APP: variants seen among roughly 807,000 people sequenced by gnomAD.
APP encodes the protein amyloid-beta precursor protein.
Under a neutral mutation model 101.4 loss-of-function variants are expected in APP, and 31 were observed. The observed-to-expected ratio is 0.31, with a 90% CI of 0.23 to 0.41. The LOEUF (loss-of-function observed/expected upper bound fraction) is 0.41, where lower values mean the gene tolerates loss of function less well. Among genes scored for constraint, APP ranks in the 10% least tolerant of loss-of-function variants. APP has a pLI of 1.00. For synonymous variants in APP, 366 were observed against 364.4 expected, an observed-to-expected ratio of 1.00 and a Z score of -0.05; for missense variants, 839 against 1,003.7, an observed-to-expected ratio of 0.84 and a Z score of 2.22.
intron 3 of APP, among the ~76,000 whole-genome samples, chr21:26,056,305 C>T (rs2046038874): frequency 1.3e-5 from 2 of 152,098 alleles, no homozygotes; most frequent in Non-Finnish European, 2.9e-5. Context: ...CCCAAAGTGC[C>T]GGGATTACAG....
At chr21:25,976,353 T>C (rs1275177572) in intron 9 of APP, among the ~76,000 whole-genome samples, 1 of 152,126 alleles carries the variant, frequency 6.6e-6, no homozygotes, top group Non-Finnish European at 1.5e-5. Flanking sequence ...AAGGCACACA[T>C]TAACTGAACA....
chr21:26,087,169 G>A (rs973018631), intron 3 of APP, among the ~76,000 whole-genome samples: 2 of 152,180 alleles, frequency 1.3e-5, no homozygotes, highest in East Asian at 3.8e-4. Context: ...CTCTGGGCTT[G>A]AGACCTTTGG....
In APP at chr21:26,136,349, T is replaced by A. The variant is rs113515016; in HGVS notation, c.58-24203A>T. The stretch of plus-strand genomic sequence containing the variant: ...TACAGCCACCGAGCAATCATATACA[T>A]CTTTTAAAAAGAAACAGGCAATTTC... On this transcript the variant is annotated intron_variant, in intron 1 of 17. Transcript: ENST00000346798. Among the ~76,000 whole-genome samples, 582 of 152,144 alleles carry A rather than the reference T, an allele frequency of 3.8e-3. 8 individuals carry two copies. The highest frequency in any genetic ancestry group is 0.014 in the African/African-American group (562 of 41,504).
At chr21:25,912,025 A>AGCC (rs2039102647) in intron 13 of APP, 63 bp from the exon 14 acceptor site, 2 of 1,307,858 alleles carry the variant, frequency 1.5e-6, no homozygotes, top group African/African-American at 1.5e-5. Context: ...CAGCAGCAGC[A>AGCC]GCCACCATTT....
intron 17 of APP, among the ~76,000 whole-genome samples, chr21:25,891,171 A>G (rs754056425): frequency 6.6e-6 from 1 of 151,654 alleles, no homozygotes; most frequent in Admixed American, 6.6e-5. Flanking sequence ...ACTCTCAAAT[A>G]ACAATCATGT....
At chr21:25,912,369 CACAATCTCATTCAAGCTGAAAGACAACAG>C (rs1386768743) in intron 13 of APP, among the ~76,000 whole-genome samples, 4 of 152,142 alleles carry the variant, frequency 2.6e-5, no homozygotes, top group Non-Finnish European at 5.9e-5. Flanking sequence ...GTAAGTGAGG[CACAATCTCATTCAAGCTGAAAGACAACAG>C]ACAATCTCCT....
intron 17 of APP, among the ~76,000 whole-genome samples, chr21:25,882,783 C>G (rs934889039): frequency 6.6e-6 from 1 of 152,112 alleles, no homozygotes; most frequent in African/African-American, 2.4e-5. Context: ...GGCATGTTTT[C>G]CAGAGAAAAG....
chr21:26,161,987 G>A (rs1363538039), intron 1 of APP, among the ~76,000 whole-genome samples: 6 of 151,962 alleles, frequency 3.9e-5, no homozygotes, highest in African/African-American at 7.3e-5. Context: ...TATTCTATGA[G>A]CCTATCAATT....
intron 2 of APP, among the ~76,000 whole-genome samples, chr21:26,091,910 G>A (rs1349080480): frequency 2.0e-5 from 3 of 152,162 alleles, no homozygotes; most frequent in Non-Finnish European, 4.4e-5. Context: ...AGGTTTCTGA[G>A]CAAGATAACA....
chr21:26,059,912 A>G (rs1304658689), intron 3 of APP, among the ~76,000 whole-genome samples: 5 of 137,120 alleles, frequency 3.6e-5, no homozygotes, highest in Non-Finnish European at 6.3e-5. Flanking sequence ...AAAAAAAAAA[A>G]AAAAAAAAAA....
chr21:26,145,012 A>C (rs771011169), intron 1 of APP, among the ~76,000 whole-genome samples: 1 of 152,214 alleles, frequency 6.6e-6, no homozygotes, highest in Non-Finnish European at 1.5e-5. Context: ...CAACTTTATA[A>C]AAGTAATGTT....
intron 16 of APP, among the ~76,000 whole-genome samples, chr21:25,893,068 A>C (rs1021272365): frequency 6.6e-6 from 1 of 152,194 alleles, no homozygotes; most frequent in African/African-American, 2.4e-5. Flanking sequence ...GTAATTATTT[A>C]AATATTCAAA....
chr21:25,917,458 T>C (rs1198022739), intron 13 of APP, among the ~76,000 whole-genome samples: 11 of 152,164 alleles, frequency 7.2e-5, no homozygotes, highest in Non-Finnish European at 1.6e-4. Context: ...TTGAGAAAAA[T>C]AGCCTTATAA....
chr21:26,169,750 G>T (rs1367004322), intron 1 of APP, among the ~76,000 whole-genome samples: 1 of 152,208 alleles, frequency 6.6e-6, no homozygotes, highest in Non-Finnish European at 1.5e-5. Context: ...GGGGTGTCGC[G>T]GCTTTTGTTC....
At chr21:26,115,435 T>C (rs2062414664) in intron 1 of APP, among the ~76,000 whole-genome samples, 1 of 152,196 alleles carries the variant, frequency 6.6e-6, no homozygotes, top group South Asian at 2.1e-4. Flanking sequence ...TGCAAACAAT[T>C]CCATGCTTTC....
intron 5 of APP, among the ~76,000 whole-genome samples, chr21:26,043,243 CT>C (rs11304862): frequency 0.16 from 23,812 of 146,912 alleles, 2,666 homozygotes; most frequent in East Asian, 0.31. Context: ...CTTTTCTTTT[CT>C]TTTTTTTTTG....
chr21:26,083,602 T>C (rs1199487212), intron 3 of APP, among the ~76,000 whole-genome samples: 1 of 152,250 alleles, frequency 6.6e-6, no homozygotes, highest in Middle Eastern at 3.2e-3. Flanking sequence ...TGAGCACACA[T>C]TTGCAATTCT....
At chr21:25,907,679 G>A (rs955652957) in intron 14 of APP, among the ~76,000 whole-genome samples, 3 of 152,168 alleles carry the variant, frequency 2.0e-5, no homozygotes, top group Non-Finnish European at 4.4e-5. Flanking sequence ...TGGGATTTTT[G>A]AGTCTGTTAC....
intron 1 of APP, among the ~76,000 whole-genome samples, chr21:26,143,028 A>C (rs2063081573): frequency 6.6e-6 from 1 of 152,246 alleles, no homozygotes; most frequent in African/African-American, 2.4e-5. Context: ...ATAATTGTCA[A>C]CTTTTATAAA....
Sources: allele counts gnomAD v4.1 joint callset (sites outside exome capture counted in the v4.1 genomes callset), GRCh38; gene constraint gnomAD v4.1.1; transcripts MANE v1.5; gene names NCBI Gene and HGNC (gene_info 2026-07-23, HGNC 2026-07-21).